Variants in PPM1L observed in about 807,000 individuals in gnomAD.
The protein encoded by PPM1L is protein phosphatase, Mg2+/Mn2+ dependent 1L, also known as protein phosphatase 1L.
Under a neutral mutation model 31.4 loss-of-function variants are expected in PPM1L, and 13 were observed. The observed-to-expected ratio is 0.41, with a 90% CI of 0.27 to 0.66. The LOEUF is 0.66. Among genes scored for constraint, PPM1L ranks in the 30% least tolerant of loss-of-function variants. The pLI, the probability that PPM1L is intolerant of heterozygous loss-of-function variation, is 0.29. For synonymous variants in PPM1L, 184 were observed against 175.4 expected (o/e 1.05, Z -0.39); for missense variants, 326 against 453.7 (o/e 0.72, Z 2.56).
chr3:160,777,528 C>T (rs917690678), intron 1 of PPM1L, among the ~76,000 whole-genome samples: 4 of 152,056 alleles, frequency 2.6e-5, no homozygotes, highest in African/African-American at 9.7e-5. Flanking sequence ...ATTTTTTCCT[C>T]CCTGTAGCCC....
At chr3:160,873,148 C>G (rs1712376171) in intron 1 of PPM1L, among the ~76,000 whole-genome samples, 1 of 152,138 alleles carries the variant, frequency 6.6e-6, no homozygotes, top group Non-Finnish European at 1.5e-5. Flanking sequence ...CCCACTGTTA[C>G]AGGGTAGCTA....
intron 2 of PPM1L, among the ~76,000 whole-genome samples, chr3:161,062,744 G>A (rs1356134514): frequency 6.6e-6 from 1 of 152,212 alleles, no homozygotes; most frequent in African/African-American, 2.4e-5. Flanking sequence ...ACACGTGGAA[G>A]CAGAGCTGTC....
intron 2 of PPM1L, among the ~76,000 whole-genome samples, chr3:161,018,253 C>T (rs1266210825): frequency 1.3e-5 from 2 of 152,164 alleles, no homozygotes; most frequent in Non-Finnish European, 2.9e-5. Flanking sequence ...TGCATTTACA[C>T]ATAAAAGACC....
intron 1 of PPM1L, among the ~76,000 whole-genome samples, chr3:160,873,884 G>C (rs186851115): frequency 6.6e-6 from 1 of 152,240 alleles, no homozygotes; most frequent in East Asian, 1.9e-4. Flanking sequence ...CATGGATTGA[G>C]GATTTGGCCT....
chr3:160,784,968 A>T lies in PPM1L; in HGVS notation c.399+28261A>T, dbSNP rs527738304. On this transcript the variant is annotated intron_variant, in intron 1 of 3. Transcript: ENST00000498165. The stretch of plus-strand genomic sequence containing the variant: ...GTCAGGAAACTACTCTGACCAGTCT[A>T]TCTGGCTCTGTGGTTGTTCTGAGGG... Among the ~76,000 whole-genome samples, 6 of 152,356 alleles carry T rather than the reference A, an allele frequency of 3.9e-5. 1 individual carries two copies. In the South Asian group the frequency reaches 1.0e-3, roughly 26 times the overall value.
At chr3:160,818,209 C>T (rs1713053560) in intron 1 of PPM1L, among the ~76,000 whole-genome samples, 1 of 151,920 alleles carries the variant, frequency 6.6e-6, no homozygotes, top group Non-Finnish European at 1.5e-5. Flanking sequence ...AGAGCAGTAT[C>T]GAACACAAAA....
chr3:160,891,578 A>G (rs1480630450), intron 1 of PPM1L, among the ~76,000 whole-genome samples: 1 of 152,230 alleles, frequency 6.6e-6, no homozygotes, highest in Non-Finnish European at 1.5e-5. Context: ...CCATTGTGCA[A>G]GACAGCATGG....
intron 1 of PPM1L, among the ~76,000 whole-genome samples, chr3:160,822,367 T>C (rs1713225218): frequency 6.6e-6 from 1 of 152,046 alleles, no homozygotes; most frequent in Non-Finnish European, 1.5e-5. Context: ...CTTTAGTTAT[T>C]ACTGTACCTT....
intron 1 of PPM1L, among the ~76,000 whole-genome samples, chr3:160,903,210 G>GGTA (rs1713618697): frequency 2.0e-5 from 2 of 99,240 alleles, no homozygotes; most frequent in South Asian, 3.1e-4. Flanking sequence ...GTGTATGTTT[G>GGTA]TGTGTGTGTG....
chr3:160,881,926 C>G (rs1712734413), intron 1 of PPM1L, among the ~76,000 whole-genome samples: 2 of 152,100 alleles, frequency 1.3e-5, no homozygotes, highest in Admixed American at 1.3e-4. Context: ...TAACAGGCGT[C>G]TGTAATCCCA....
intron 2 of PPM1L, among the ~76,000 whole-genome samples, chr3:161,010,601 T>C (rs1717861116): frequency 1.3e-5 from 2 of 152,206 alleles, no homozygotes; most frequent in Non-Finnish European, 2.9e-5. Flanking sequence ...ATTGCCACAC[T>C]GTCTTCCACA....
intron 1 of PPM1L, among the ~76,000 whole-genome samples, chr3:160,816,269 GT>G (rs1712992148): frequency 6.6e-6 from 1 of 151,384 alleles, no homozygotes; most frequent in Admixed American, 6.6e-5. Flanking sequence ...ATTTGTGTGT[GT>G]GTGTGTGTGT....
chr3:160,778,135 C>G (rs1271348146), intron 1 of PPM1L, among the ~76,000 whole-genome samples: 1 of 151,866 alleles, frequency 6.6e-6, no homozygotes, highest in Admixed American at 6.6e-5. Flanking sequence ...CATTTTTTAT[C>G]TGCTTATTGG....
intron 1 of PPM1L, among the ~76,000 whole-genome samples, chr3:160,891,134 TTAAACTAAAGAG>T (rs1438176697): frequency 3.3e-5 from 5 of 152,132 alleles, no homozygotes; most frequent in African/African-American, 1.2e-4. Context: ...TGTGATCTAA[TTAAACTAAAGAG>T]CTTCTGCACA....
At chr3:160,984,159 A>G (rs1716891886) in intron 2 of PPM1L, among the ~76,000 whole-genome samples, 1 of 152,200 alleles carries the variant, frequency 6.6e-6, no homozygotes, top group Non-Finnish European at 1.5e-5. Context: ...GCAGGAGACT[A>G]GGGCATGTTT....
At chr3:160,765,043 A>G (rs1357129934) in intron 1 of PPM1L, among the ~76,000 whole-genome samples, 1 of 152,240 alleles carries the variant, frequency 6.6e-6, no homozygotes, top group Non-Finnish European at 1.5e-5. Flanking sequence ...AACAATTGCT[A>G]ACATTTATTG....
At chr3:160,790,402 A>G (rs1712069484) in intron 1 of PPM1L, among the ~76,000 whole-genome samples, 1 of 152,184 alleles carries the variant, frequency 6.6e-6, no homozygotes, top group African/African-American at 2.4e-5. Context: ...GTATAAATGC[A>G]GCACAGTTTT....
intron 2 of PPM1L, among the ~76,000 whole-genome samples, chr3:161,036,954 AAGG>A (rs1718758427): frequency 6.6e-6 from 1 of 152,194 alleles, no homozygotes; most frequent in Non-Finnish European, 1.5e-5. Context: ...AATCGTAAAA[AAGG>A]TCTGTATTCA....
chr3:160,872,952 G>A (rs867988062), intron 1 of PPM1L, among the ~76,000 whole-genome samples: 1 of 152,070 alleles, frequency 6.6e-6, no homozygotes, highest in Non-Finnish European at 1.5e-5. Flanking sequence ...AAAGATATTA[G>A]TTATACTGTT....
Sources: gnomAD v4.1 joint callset for allele counts (sites outside exome capture counted in the v4.1 genomes callset) on GRCh38, gnomAD v4.1.1 for gene constraint, MANE v1.5 for transcripts, NCBI Gene and HGNC (gene_info 2026-07-23, HGNC 2026-07-21) for gene names.